Variants in EFCAB9 observed in about 807,000 individuals in gnomAD.
EFCAB9 encodes the protein EF-hand calcium binding domain 9.
A neutral mutation model predicts 15.6 loss-of-function variants in EFCAB9; 16 were observed. That is an observed-to-expected ratio of 1.03 (90% CI 0.69 to 1.56). The LOEUF (loss-of-function observed/expected upper bound fraction) is 1.56, where lower values mean the gene tolerates loss of function less well. Ranked by LOEUF, EFCAB9 falls within the 40% of genes most tolerant of loss-of-function variation. EFCAB9 has a pLI of 0.00. For synonymous variants in EFCAB9, 76 were observed against 85.4 expected, an observed-to-expected ratio of 0.89 and a Z score of 0.61; for missense variants, 208 against 235.4, an observed-to-expected ratio of 0.88 and a Z score of 0.76.
intron 1 of EFCAB9, among the ~76,000 whole-genome samples, chr5:172,198,624 T>G (rs182149933): frequency 7.2e-4 from 109 of 152,286 alleles, no homozygotes; most frequent in Non-Finnish European, 1.4e-3. Context: ...ACTTTTGTTG[T>G]TGTTGTTTTT....
intron 1 of EFCAB9, among the ~76,000 whole-genome samples, chr5:172,196,651 C>T (rs1244101215): frequency 6.6e-6 from 1 of 152,134 alleles, no homozygotes; most frequent in Non-Finnish European, 1.5e-5. Context: ...GTTGGGATTA[C>T]AGGTGTGACC....
chr5:172,199,606 T>C, intron 2 of EFCAB9, 75 bp downstream of exon 2: 1 of 1,489,630 alleles, frequency 6.7e-7, no homozygotes, highest in Non-Finnish European at 8.9e-7. Flanking sequence ...GAAGTTTTCC[T>C]CCTTTCACTA....
chr5:172,200,366 CA>C (rs907922036), intron 2 of EFCAB9, among the ~76,000 whole-genome samples, 199 bp from the exon 3 acceptor site: 7 of 152,192 alleles, frequency 4.6e-5, no homozygotes, highest in Admixed American at 3.3e-4. Context: ...AGGCAGAATT[CA>C]AGTTCCTTTT....
intron 1 of EFCAB9, among the ~76,000 whole-genome samples, chr5:172,197,565 A>G (rs1002931012): frequency 2.6e-5 from 4 of 152,178 alleles, no homozygotes; most frequent in African/African-American, 9.7e-5. Context: ...TATCCCCATT[A>G]CAGTTTGAGA....
At chr5:172,202,332 C>CAAAAAAAAA (rs10690291) in intron 3 of EFCAB9, among the ~76,000 whole-genome samples, 373 of 73,184 alleles carry the variant, frequency 5.1e-3, no homozygotes, top group East Asian at 0.01. Flanking sequence ...GACTTCATCT[C>CAAAAAAAAA]AAAAAAAAAA....
In EFCAB9 at chr5:172,194,403, C is replaced by T. The variant is rs558960561; in HGVS notation, c.136+95C>T. 6.5e-5 allele frequency: 86 copies of T among 1,313,422 alleles called. 1 individual carries two copies. In the South Asian group the frequency reaches 1.2e-3, roughly 18 times the overall value. 81.4% of individuals were successfully genotyped at this position (1,313,422 alleles called of 1,614,324 possible). On this transcript the variant is annotated intron_variant, in intron 1 of 3. Coordinates refer to ENST00000398186, the MANE Select transcript of EFCAB9 (RefSeq NM_001171183.2). ...AGAGCCAGAAACTATTTTGTTAGTA[C>T]ATTTTTTTTTTTTTGAGACGGAATC...
At chr5:172,197,629 C>G (rs1284711364) in intron 1 of EFCAB9, among the ~76,000 whole-genome samples, 1 of 152,166 alleles carries the variant, frequency 6.6e-6, no homozygotes, top group Admixed American at 6.5e-5. Flanking sequence ...GGTATTGTGT[C>G]TGGTGTTGGT....
chr5:172,203,202 C>T lies in EFCAB9; in HGVS notation c.463-12C>T. ...TGAAATAATTTTTCTTTCCCCCCCA[C>T]CCTAACCAAAGCGTCTTAATTATCA... is the stretch of plus-strand genomic sequence containing the variant. On this transcript the variant is annotated splice_polypyrimidine_tract_variant and intron_variant, in intron 3 of 3. Transcript: ENST00000398186. 9.8e-7 allele frequency: 1 copy of T among 1,020,280 alleles called. No individual in the cohort carries two copies. Among genetic ancestry groups the T allele is most frequent in the Non-Finnish European group, 1.2e-6 (1 of 861,404 alleles). The allele number at this position is 1,020,280 out of a possible 1,614,324, so 63.2% of individuals were successfully genotyped here.
At chr5:172,197,268 C>G (rs910492728) in intron 1 of EFCAB9, among the ~76,000 whole-genome samples, 16 of 152,246 alleles carry the variant, frequency 1.1e-4, no homozygotes, top group Admixed American at 8.5e-4. Flanking sequence ...CCACCATGCC[C>G]AGCTAATTTT....
At position 172,200,685 on chromosome 5, in the gene EFCAB9, T is replaced by C. The variant is rs1223682066; in HGVS notation, c.405T>C (p.Asn135=). 6 of 1,537,422 alleles carry C rather than the reference T, an allele frequency of 3.9e-6. No homozygotes were observed. The Admixed American group carries it at 5.9e-5, about 15-fold the overall frequency. ...KNFEMYRFLF[N]IQKQELKDLF... ...TCGAAATGTACAGATTTCTCTTCAA[T>C]ATTCAAAAACAGGAACTCAAAGATC... Residue 135 remains asparagine (N), a synonymous_variant, in exon 3 of 4, where the codon AAT becomes AAC. Coordinates refer to ENST00000398186, the MANE Select transcript of EFCAB9 (RefSeq NM_001171183.2).
intron 2 of EFCAB9, 119 bp downstream of exon 2, chr5:172,199,650 T>C (rs1771224134): frequency 1.4e-6 from 2 of 1,392,862 alleles, no homozygotes; most frequent in African/African-American, 1.4e-5. Flanking sequence ...GTGGGGAAAA[T>C]GAGTTTTGGT....
chr5:172,196,007 ATGTTGGCCAGGCTAGTCTC>A (rs755014074), intron 1 of EFCAB9, among the ~76,000 whole-genome samples: 15 of 151,940 alleles, frequency 9.9e-5, no homozygotes, highest in African/African-American at 2.4e-4. Flanking sequence ...GGGTTTCACT[ATGTTGGCCAGGCTAGTCTC>A]TGTTGGCCAG....
At chr5:172,201,290 G>A (rs892446809) in intron 3 of EFCAB9, among the ~76,000 whole-genome samples, 4 of 151,740 alleles carry the variant, frequency 2.6e-5, no homozygotes, top group South Asian at 2.1e-4. Context: ...CAGGAGAATC[G>A]CTTGAACCTG....
chr5:172,198,224 C>T (rs887994292), intron 1 of EFCAB9, among the ~76,000 whole-genome samples: 12 of 152,174 alleles, frequency 7.9e-5, no homozygotes, highest in Non-Finnish European at 1.8e-4. Flanking sequence ...AAGTGCCTAA[C>T]ATGGCTGGGT....
intron 1 of EFCAB9, among the ~76,000 whole-genome samples, chr5:172,196,101 C>G (rs1771156462): frequency 6.6e-6 from 1 of 152,168 alleles, no homozygotes; most frequent in Admixed American, 6.6e-5. Context: ...GCTGGGATTA[C>G]AGGCGTGAGC....
chr5:172,200,814 C>A, intron 3 of EFCAB9, 72 bp downstream of exon 3: 1 of 1,394,330 alleles, frequency 7.2e-7, no homozygotes, highest in Middle Eastern at 1.9e-4. Flanking sequence ...TGTCCTACTA[C>A]ATATAGGAGA....
intron 1 of EFCAB9, among the ~76,000 whole-genome samples, chr5:172,197,252 C>G (rs1019948187): frequency 6.6e-6 from 1 of 152,130 alleles, no homozygotes; most frequent in Non-Finnish European, 1.5e-5. Context: ...GGATTACAGG[C>G]ATGCGCCACC....
chr5:172,195,799 T>TTTTA lies in EFCAB9; in HGVS notation c.136+1514_136+1517dup, dbSNP rs143327587. 6.6e-3 allele frequency among the ~76,000 whole-genome samples: 1,003 copies of TTTTA among 151,868 alleles called. 2 individuals carry two copies. The highest frequency in any genetic ancestry group is 9.4e-3 in the Non-Finnish European group (640 of 67,974). ...AGAGTCCACCGGTTTCAAAACAGTCTTTTATTTATTTATTTATTTATTTAT... is the reference window on the plus strand; with the variant it reads ...AGAGTCCACCGGTTTCAAAACAGTCTTTTATTTATTTATTTATTTATTTATTTAT... On this transcript the variant is annotated intron_variant, in intron 1 of 3. Coordinates refer to ENST00000398186, the MANE Select transcript of EFCAB9 (RefSeq NM_001171183.2).
In EFCAB9 at chr5:172,200,655, A is replaced by C. The variant is rs373569772; in HGVS notation, c.375A>C (p.Lys125Asn). Residue 125 changes from lysine (K) to asparagine (N), a missense_variant, in exon 3 of 4, where the codon AAA becomes AAC. Coordinates refer to ENST00000398186, the MANE Select transcript of EFCAB9 (RefSeq NM_001171183.2). ...AAGGGGATCTGAGAATTGGTGCAAA[A>C]AACTTCGAAATGTACAGATTTCTCT... ...DLKGDLRIGA[K>N]NFEMYRFLFN... is the part of the protein sequence containing the mutation. The C allele has an allele frequency of 4.3e-5, 66 of 1,537,358 alleles. No homozygotes were observed. The East Asian group carries it at 6.8e-4, about 16-fold the overall frequency.
Sources: allele counts gnomAD v4.1 joint callset (sites outside exome capture counted in the v4.1 genomes callset), GRCh38; gene constraint gnomAD v4.1.1; transcripts MANE v1.5; gene names NCBI Gene and HGNC (gene_info 2026-07-23, HGNC 2026-07-21).